The following SND1 variants were observed in gnomAD, a reference collection of about 807,000 sequenced individuals.
The protein encoded by SND1 is staphylococcal nuclease domain-containing protein 1.
In SND1, 38 loss-of-function variants were observed where a neutral mutation model predicts 121.7. The ratio of observed to expected loss-of-function variants is 0.31; its 90% CI spans 0.24 to 0.41. The LOEUF is 0.41. Among genes scored for constraint, SND1 ranks in the 10% least tolerant of loss-of-function variants. The pLI, the probability that SND1 is intolerant of heterozygous loss-of-function variation, is 1.00. For missense variants in SND1, 868 were observed against 1,184.6 expected (o/e 0.73, Z 3.92); for synonymous variants, 401 against 447.4 (o/e 0.90, Z 1.31).
intron 16 of SND1, among the ~76,000 whole-genome samples, chr7:127,994,905 G>A (rs1802610905): frequency 6.6e-6 from 1 of 151,576 alleles, no homozygotes. Context: ...TGTATTTTTA[G>A]TAGAGACGGG....
intron 16 of SND1, among the ~76,000 whole-genome samples, chr7:128,060,397 T>C (rs914312939): frequency 6.6e-6 from 1 of 152,226 alleles, no homozygotes; most frequent in Admixed American, 6.5e-5. Flanking sequence ...CATGGAAGCA[T>C]GACACCATTG....
At chr7:127,856,978 T>C (rs1431484364) in intron 12 of SND1, among the ~76,000 whole-genome samples, 1 of 152,116 alleles carries the variant, frequency 6.6e-6, no homozygotes. Flanking sequence ...ATCAGATCAT[T>C]GAGTGAAGGT....
intron 10 of SND1, among the ~76,000 whole-genome samples, chr7:127,732,729 A>T (rs549541359): frequency 8.5e-5 from 13 of 152,368 alleles, no homozygotes; most frequent in Admixed American, 5.9e-4. Flanking sequence ...AAGCAAGACC[A>T]ATATTCTTCT....
Position 128,015,265 on chromosome 7 carries a change from G to A in SND1, c.1779+24209G>A, listed in dbSNP as rs558624556. Among the ~76,000 whole-genome samples, 15 of 152,320 alleles carry A rather than the reference G, an allele frequency of 9.8e-5. No individual in the cohort carries two copies. Among genetic ancestry groups the A allele is most frequent in the African/African-American group, 2.4e-4 (10 of 41,572 alleles). On this transcript the variant is annotated intron_variant, in intron 16 of 23. Coordinates refer to ENST00000354725, the MANE Select transcript of SND1 (RefSeq NM_014390.4). The surrounding 1 kb of genome is among the most constrained non-coding windows in gnomAD (Gnocchi z 4.5). ...TCAACGTGGGGCTAAAATGAAGACC[G>A]CTCTTAGTTCATGTTCTGGCATATT...
At chr7:127,718,573 T>G in intron 9 of SND1, 2 of 985,410 alleles carry the variant, frequency 2.0e-6, no homozygotes, top group Non-Finnish European at 2.4e-6. Context: ...GCACAGTTCC[T>G]GAAGAGGAGG....
intron 11 of SND1, among the ~76,000 whole-genome samples, chr7:127,840,790 C>G (rs963896765): frequency 6.6e-6 from 1 of 152,150 alleles, no homozygotes; most frequent in Non-Finnish European, 1.5e-5. Context: ...GTCATAGCTG[C>G]CTGCAGGTGT....
intron 1 of SND1, among the ~76,000 whole-genome samples, chr7:127,666,241 T>C (rs979770265): frequency 3.9e-5 from 6 of 152,214 alleles, no homozygotes; most frequent in Non-Finnish European, 7.3e-5. Flanking sequence ...GCCATTATAT[T>C]ACAAGTAAGG....
chr7:127,791,930 G>A (rs1169174372), intron 10 of SND1, among the ~76,000 whole-genome samples: 1 of 152,138 alleles, frequency 6.6e-6, no homozygotes, highest in Non-Finnish European at 1.5e-5. Flanking sequence ...AATTTACAAA[G>A]CCATGAATGC....
intron 11 of SND1, among the ~76,000 whole-genome samples, chr7:127,808,353 C>CG (rs1249532755): frequency 1.3e-5 from 2 of 151,812 alleles, no homozygotes; most frequent in African/African-American, 4.8e-5. Flanking sequence ...TTGGTCGAGA[C>CG]GGAGTTTCAC....
rs535041413 is a variant in SND1 at position 127,694,574 on chromosome 7, T to A, written c.229-254T>A. 8.2e-5 allele frequency: 35 copies of A among 424,428 alleles called. No individual in the cohort carries two copies. In the South Asian group the frequency reaches 1.5e-3, roughly 18 times the overall value. 26.3% of individuals were successfully genotyped at this position (424,428 alleles called of 1,614,324 possible). A position where few individuals can be genotyped will look rare whatever the true frequency, so the allele number is the denominator to read the frequency against. On this transcript the variant is annotated intron_variant, in intron 2 of 23. Coordinates refer to ENST00000354725, the MANE Select transcript of SND1 (RefSeq NM_014390.4). ...GATAGGGAAAAAGTCCTGCTGCCAG[T>A]GTCTGGAAAACTCTGAGGCCTGTTT...
At chr7:128,078,287 C>T (rs952716619) in intron 17 of SND1, among the ~76,000 whole-genome samples, 1 of 152,262 alleles carries the variant, frequency 6.6e-6, no homozygotes, top group Non-Finnish European at 1.5e-5. Flanking sequence ...TCCATCCCCA[C>T]AGGGAAAGAG....
chr7:127,832,408 A>AT (rs1463870129), intron 11 of SND1, among the ~76,000 whole-genome samples: 1 of 152,228 alleles, frequency 6.6e-6, no homozygotes, highest in Non-Finnish European at 1.5e-5. Flanking sequence ...GCATGTGGAA[A>AT]TTGGAAGTTC....
intron 9 of SND1, among the ~76,000 whole-genome samples, chr7:127,719,178 T>C (rs1431070511): frequency 1.3e-5 from 2 of 152,204 alleles, no homozygotes; most frequent in Admixed American, 6.5e-5. Context: ...TTTCCCTTCA[T>C]CCAAATGTGG....
At chr7:127,712,762 A>G (rs539619496) in intron 9 of SND1, among the ~76,000 whole-genome samples, 25 of 152,228 alleles carry the variant, frequency 1.6e-4, no homozygotes, top group Middle Eastern at 6.8e-3. Context: ...TTATGTATAG[A>G]TACGTTTTAC....
At position 127,767,199 on chromosome 7, in the gene SND1, G is replaced by A. The variant is rs1003225826; in HGVS notation, c.1153-40285G>A. On this transcript the variant is annotated intron_variant, in intron 10 of 23. Coordinates refer to ENST00000354725, the MANE Select transcript of SND1 (RefSeq NM_014390.4). Reference sequence around the variant, plus strand: ...ATATGTAATGACTAGGTGTGGTGCCGTTCTCCTCTTCTCAGTATCCCTTCC... The same window carrying A: ...ATATGTAATGACTAGGTGTGGTGCCATTCTCCTCTTCTCAGTATCCCTTCC... Among the ~76,000 whole-genome samples, 34 of 152,108 alleles carry A rather than the reference G, an allele frequency of 2.2e-4. 1 individual carries two copies. The highest frequency in any genetic ancestry group is 6.0e-4 in the African/African-American group (25 of 41,418).
At chr7:127,897,489 A>C (rs1800143529) in intron 13 of SND1, among the ~76,000 whole-genome samples, 1 of 152,164 alleles carries the variant, frequency 6.6e-6, no homozygotes, top group African/African-American at 2.4e-5. Context: ...AAATATAGTT[A>C]CAAAAATGGA....
At chr7:127,858,411 C>T (rs749196416) in intron 12 of SND1, 9 of 1,059,118 alleles carry the variant, frequency 8.5e-6, no homozygotes, top group African/African-American at 1.6e-5. Flanking sequence ...TCCAAGAAGG[C>T]TTGGGCACTC....
intron 16 of SND1, among the ~76,000 whole-genome samples, chr7:128,065,520 C>T (rs1440196580): frequency 1.3e-5 from 2 of 152,272 alleles, no homozygotes; most frequent in African/African-American, 4.8e-5. Flanking sequence ...GATTGGACAA[C>T]ATTTGGTTAC....
At chr7:127,732,049 C>G (rs1796686855) in intron 10 of SND1, among the ~76,000 whole-genome samples, 1 of 152,228 alleles carries the variant, frequency 6.6e-6, no homozygotes, top group Admixed American at 6.5e-5. Context: ...AACACGCTGT[C>G]TCTTTGCCTT....
Sources: gnomAD v4.1 joint callset for allele counts (sites outside exome capture counted in the v4.1 genomes callset) on GRCh38, gnomAD v4.1.1 for gene constraint, Gnocchi (gnomAD v3.1) non-coding constraint, MANE v1.5 for transcripts, NCBI Gene and HGNC (gene_info 2026-07-23, HGNC 2026-07-21) for gene names.